The following GPR17 variants were observed in gnomAD, a reference collection of about 807,000 sequenced individuals.
GPR17 encodes G protein-coupled receptor 17, also known as uracil nucleotide/cysteinyl leukotriene receptor.
Under a neutral mutation model 1.5 loss-of-function variants are expected in GPR17, and 4 were observed. The ratio of observed to expected loss-of-function variants is 2.73; its 90% confidence interval spans 1.35 to 6.25. The LOEUF is 6.25. Among genes scored for constraint, GPR17 ranks in the 30% most tolerant of loss-of-function variants. GPR17 has a pLI of 0.00. For synonymous variants in GPR17, 209 were observed against 207.6 expected (o/e 1.01, Z -0.06); for missense variants, 463 against 462.1 (o/e 1.00, Z -0.02).
rs989413933 is a variant in GPR17 at position 127,650,546 on chromosome 2, G to A, written c.-20-170G>A. 5.4e-3 allele frequency: 3,221 copies of A among 597,752 alleles called. 7 individuals carry two copies. Among genetic ancestry groups the A allele is most frequent in the Middle Eastern group, 0.01 (26 of 2,506 alleles). 37.0% of individuals were successfully genotyped at this position (597,752 alleles called of 1,614,324 possible). A position where few individuals can be genotyped will look rare whatever the true frequency, so the allele number is the denominator to read the frequency against. On this transcript the variant is annotated intron_variant, in intron 1 of 1. Transcript: ENST00000486700. ...TGCTGAAGTTCAGAATGCCTCTGAC[G>A]CTCACGCACACCAAATGGACAAGGA...
chr2:127,650,040 C>T (rs779785347), intron 1 of GPR17: 1 of 1,608,760 alleles, frequency 6.2e-7, no homozygotes, highest in South Asian at 1.1e-5. Flanking sequence ...TGGGCTGGAT[C>T]CAGAAAGCCC....
rs943850131 is a variant in GPR17 at position 127,651,958 on chromosome 2, G to A, written c.*203G>A. 1.6e-6 allele frequency: 1 copy of A among 614,772 alleles called. No individual in the cohort carries two copies. The highest frequency in any genetic ancestry group is 3.0e-5 in the Admixed American group (1 of 33,754). The allele number at this position is 614,772 out of a possible 1,614,324, so 38.1% of individuals were successfully genotyped here. A position where few individuals can be genotyped will look rare whatever the true frequency, so the allele number is the denominator to read the frequency against. ...ATCCATCGGCCACCCCTCTGCAGGGGCTTGTGATGGCTACAATGGCTCCTA... is the reference window on the plus strand; with the variant it reads ...ATCCATCGGCCACCCCTCTGCAGGGACTTGTGATGGCTACAATGGCTCCTA... On this transcript the variant is annotated 3_prime_UTR_variant, in exon 2 of 2. Coordinates refer to ENST00000486700, the MANE Select transcript of GPR17 (RefSeq NM_001161417.2).
chr2:127,648,306 G>A, intron 1 of GPR17: 1 of 518,076 alleles, frequency 1.9e-6, no homozygotes, highest in Non-Finnish European at 2.5e-6. Context: ...CCTGCCTAGA[G>A]AAATAGCTAA....
intron 1 of GPR17, chr2:127,650,214 G>A (rs1342459177): frequency 6.7e-6 from 5 of 745,050 alleles, no homozygotes; most frequent in Non-Finnish European, 1.1e-5. Flanking sequence ...GCACCTGTGG[G>A]CAGGTGGGTC....
In GPR17 at chr2:127,651,697, C is replaced by A; in HGVS notation, c.962C>A (p.Pro321His). The change falls in exon 2 of 2, where the codon CCC (proline) becomes CAC (histidine). Residue 321 changes from proline to histidine, a missense_variant. Transcript: ENST00000486700. ...LLCGKRLKGP[P>H]PSFEGKTNES... ...TGTGGCAAAAGGCTCAAGGGCCCGCCCCCCAGCTTCGAAGGGAAAACCAAC... is the reference window on the plus strand; with the variant it reads ...TGTGGCAAAAGGCTCAAGGGCCCGCACCCCAGCTTCGAAGGGAAAACCAAC... The A allele has an allele frequency of 6.2e-7, 1 of 1,613,180 alleles. No homozygotes were observed. The highest frequency in any genetic ancestry group is 8.5e-7 in the Non-Finnish European group (1 of 1,180,040).
In GPR17 at chr2:127,651,181, A is replaced by G; in HGVS notation, c.446A>G (p.His149Arg). ...AAGCTCCGCAGGCCCCTCTACGCACACCTGGCCTGTGCCTTCCTGTGGGTG... is the reference window on the plus strand; with the variant it reads ...AAGCTCCGCAGGCCCCTCTACGCACGCCTGGCCTGTGCCTTCCTGTGGGTG... ...SLKLRRPLYA[H>R]LACAFLWVVV... The change falls in exon 2 of 2, where the codon CAC (histidine) becomes CGC (arginine). Residue 149 changes from histidine to arginine, a missense_variant. Physicochemically the swap from His to Arg is conservative, Grantham distance 29 (BLOSUM62 0). Transcript: ENST00000486700. 1 of 1,611,948 alleles carries G rather than the reference A, an allele frequency of 6.2e-7. No individual in the cohort carries two copies. Among genetic ancestry groups the G allele is most frequent in the Non-Finnish European group, 8.5e-7 (1 of 1,179,918 alleles).
At chr2:127,648,880 C>T (rs1286010294) in intron 1 of GPR17, among the ~76,000 whole-genome samples, 1 of 148,426 alleles carries the variant, frequency 6.7e-6, no homozygotes, top group African/African-American at 2.5e-5. Context: ...GATTGCACCA[C>T]TGCACTCCAG....
Position 127,650,912 on chromosome 2 carries a change from C to T in GPR17, c.177C>T (p.Asp59=), listed in dbSNP as rs925926161. 5 of 1,614,064 alleles carry T rather than the reference C, an allele frequency of 3.1e-6. No individual in the cohort carries two copies. The highest frequency in any genetic ancestry group is 3.4e-6 in the Non-Finnish European group (4 of 1,180,040). ...NTLALWLFIR[D]HKSGTPANVF... ...TGGCTCTGTGGCTTTTCATCCGAGA[C>T]CACAAGTCCGGGACCCCGGCCAACG... Residue 59 remains aspartate, a synonymous_variant, in exon 2 of 2, where the codon GAC becomes GAT. Transcript: ENST00000486700.
intron 1 of GPR17, chr2:127,649,875 G>C (rs970014919): frequency 1.8e-5 from 13 of 716,626 alleles, no homozygotes; most frequent in African/African-American, 5.3e-5. Flanking sequence ...CTCTGACGCT[G>C]GGTAAAATGG....
Position 127,651,455 on chromosome 2 carries a change from G to A in GPR17, c.720G>A (p.Val240=). 6.2e-7 allele frequency: 1 copy of A among 1,612,906 alleles called. No individual in the cohort carries two copies. Among genetic ancestry groups the A allele is most frequent in the Non-Finnish European group, 8.5e-7 (1 of 1,180,046 alleles). The part of the protein sequence containing the change: ...KTKAVRMIAI[V]LAIFLVCFVP... ...AGGCAGTGCGCATGATCGCCATAGT[G>A]CTGGCCATCTTCCTGGTCTGCTTCG... The change falls in exon 2 of 2, where the codon GTG becomes GTA. Residue 240 remains valine, a synonymous_variant. Transcript: ENST00000486700.
intron 1 of GPR17, among the ~76,000 whole-genome samples, chr2:127,648,929 A>G (rs1683287549): frequency 9.3e-6 from 1 of 107,590 alleles, no homozygotes; most frequent in African/African-American, 3.6e-5. Context: ...AGAGAAAGAA[A>G]AAAAGAAAAA....
In GPR17 at chr2:127,650,903, C is replaced by T; in HGVS notation, c.168C>T (p.Phe56=). ...LVGNTLALWL[F]IRDHKSGTPA... ...GCAATACCCTGGCTCTGTGGCTTTTCATCCGAGACCACAAGTCCGGGACCC... is the reference window on the plus strand; with the variant it reads ...GCAATACCCTGGCTCTGTGGCTTTTTATCCGAGACCACAAGTCCGGGACCC... Residue 56 remains phenylalanine (F), a synonymous_variant, in exon 2 of 2, where the codon TTC becomes TTT. Transcript: ENST00000486700. The T allele has an allele frequency of 6.2e-7, 1 of 1,614,108 alleles. No homozygotes were observed. The highest frequency in any genetic ancestry group is 8.5e-7 in the Non-Finnish European group (1 of 1,180,040).
At chr2:127,650,196 C>G (rs1820971) in intron 1 of GPR17, 6 of 856,792 alleles carry the variant, frequency 7.0e-6, no homozygotes, top group Non-Finnish European at 5.6e-6. Context: ...GGTGACACCC[C>G]GGCCACTGCA....
chr2:127,648,269 C>T (rs949410262), intron 1 of GPR17: 2 of 884,500 alleles, frequency 2.3e-6, no homozygotes, highest in Non-Finnish European at 2.7e-6. Context: ...ACTCTGAAGC[C>T]GGGGGCAATC....
chr2:127,651,927 A>C lies in GPR17; in HGVS notation c.*172A>C, dbSNP rs577635979. 6 of 664,998 alleles carry C rather than the reference A, an allele frequency of 9.0e-6. No homozygotes were observed. The Admixed American group carries it at 1.8e-4, about 19-fold the overall frequency. The allele number at this position is 664,998 out of a possible 1,614,324, so 41.2% of individuals were successfully genotyped here. ...AACCCATAAAAAGGAAGAACTGACA[A>C]AGGGGATCCATCGGCCACCCCTCTG... On this transcript the variant is annotated 3_prime_UTR_variant, in exon 2 of 2. Coordinates refer to ENST00000486700, the MANE Select transcript of GPR17 (RefSeq NM_001161417.2).
chr2:127,649,999 C>T (rs752000359), intron 1 of GPR17: 2 of 1,603,598 alleles, frequency 1.2e-6, no homozygotes, highest in Non-Finnish European at 1.7e-6. Context: ...CACAGGTCTC[C>T]CCACCTGTCA....
At position 127,651,258 on chromosome 2, in the gene GPR17, A is replaced by T; in HGVS notation, c.523A>T (p.Thr175Ser). The T allele has an allele frequency of 6.2e-7, 1 of 1,606,472 alleles. No individual in the cohort carries two copies. The highest frequency in any genetic ancestry group is 8.5e-7 in the Non-Finnish European group (1 of 1,179,426). Residue 175 changes from threonine to serine, a missense_variant, in exon 2 of 2, where the codon ACC becomes TCC. Transcript: ENST00000486700. The stretch of plus-strand genomic sequence containing the variant: ...GCTGGTGAGCCCACAGACCGTGCAG[A>T]CCAACCACACGGTGGTCTGCCTGCA... The part of the protein sequence containing the change: ...PLLVSPQTVQ[T>S]NHTVVCLQLY...
chr2:127,646,830 T>C (rs1156845583), intron 1 of GPR17, among the ~76,000 whole-genome samples: 8 of 152,216 alleles, frequency 5.3e-5, no homozygotes, highest in Admixed American at 5.2e-4. Flanking sequence ...GACTGAAGTT[T>C]GTGTTTCTAA....
chr2:127,646,896 T>C (rs1323273779), intron 1 of GPR17, among the ~76,000 whole-genome samples: 1 of 150,298 alleles, frequency 6.7e-6, no homozygotes, highest in African/African-American at 2.5e-5. Context: ...ACAATCAGTA[T>C]CAGAACTCCT....
Sources: allele counts gnomAD v4.1 joint callset (sites outside exome capture counted in the v4.1 genomes callset), GRCh38; gene constraint gnomAD v4.1.1; transcripts MANE v1.5; gene names NCBI Gene and HGNC (gene_info 2026-07-23, HGNC 2026-07-21).